RAB38: variants seen among roughly 807,000 people sequenced by gnomAD.
RAB38 encodes ras-related protein Rab-38.
RAB38 carries 15 observed loss-of-function variants against 18.4 expected under a neutral mutation model. That is an observed-to-expected ratio of 0.82 (90% confidence interval 0.55 to 1.26). The LOEUF (loss-of-function observed/expected upper bound fraction) is 1.26, where lower values mean the gene tolerates loss of function less well. Ranked by LOEUF, RAB38 falls within the 50% of genes most tolerant of loss-of-function variation. The probability of loss-of-function intolerance (pLI) is 0.00; values close to 1 mark genes in which losing one functional copy is unlikely to be tolerated. For missense variants in RAB38, 294 were observed against 267.4 expected (o/e 1.10, Z -0.69); for synonymous variants, 101 against 104.4 (o/e 0.97, Z 0.20).
the RAB38 span, among the ~76,000 whole-genome samples, chr11:87,848,147 A>T: frequency 6.6e-6 from 1 of 152,116 alleles, no homozygotes; most frequent in African/African-American, 2.4e-5. Context: ...CTCATCCCTG[A>T]TTTGCAGCTT....
the RAB38 span, among the ~76,000 whole-genome samples, chr11:88,016,849 A>C: frequency 6.6e-6 from 1 of 152,100 alleles, no homozygotes; most frequent in Admixed American, 6.6e-5. Context: ...TGCAAAATTT[A>C]TTCAAAACTT....
chr11:87,962,923 T>A, the RAB38 span, among the ~76,000 whole-genome samples: 123 of 152,144 alleles, frequency 8.1e-4, 1 homozygote, highest in Non-Finnish European at 8.4e-4. Flanking sequence ...CCAAAATGTG[T>A]ACAATTATTT....
the RAB38 span, among the ~76,000 whole-genome samples, chr11:88,026,150 A>G: frequency 6.6e-6 from 1 of 152,002 alleles, no homozygotes. Context: ...TTTTTAGTAG[A>G]GACAGGGTTT....
chr11:88,019,834 A>C, the RAB38 span, among the ~76,000 whole-genome samples: 2 of 152,184 alleles, frequency 1.3e-5, no homozygotes, highest in African/African-American at 4.8e-5. Context: ...CCTATCTAAA[A>C]TATCACCTCA....
At chr11:88,108,210 G>A in the RAB38 span, among the ~76,000 whole-genome samples, 1 of 151,992 alleles carries the variant, frequency 6.6e-6, no homozygotes, top group African/African-American at 2.4e-5. Context: ...GTCTAATATT[G>A]ATAGTGGGTG....
the RAB38 span, among the ~76,000 whole-genome samples, chr11:88,053,243 A>G: frequency 1.5e-5 from 2 of 130,480 alleles, no homozygotes; most frequent in Non-Finnish European, 3.1e-5. Flanking sequence ...ATATATATAC[A>G]CACATATATA....
In RAB38 at chr11:88,137,179, A is replaced by C. The variant is rs193293183; in HGVS notation, c.483+12496T>G. On this transcript the variant is annotated intron_variant, in intron 2 of 2. Coordinates refer to ENST00000243662, the MANE Select transcript of RAB38 (RefSeq NM_022337.3). ...CCTAAAGCAAAACCCACAAATCAAC[A>C]ATCACCATAGCCACTATTCAACAAG... is the stretch of plus-strand genomic sequence containing the variant. Among the ~76,000 whole-genome samples, 357 of 152,304 alleles carry C rather than the reference A, an allele frequency of 2.3e-3. 1 individual carries two copies. The highest frequency in any genetic ancestry group is 8.4e-3 in the African/African-American group (348 of 41,562).
chr11:88,145,701 C>T (rs531059436), intron 2 of RAB38, among the ~76,000 whole-genome samples: 1 of 152,086 alleles, frequency 6.6e-6, no homozygotes, highest in East Asian at 1.9e-4. Context: ...GATATGGGCA[C>T]AGGAATACTA....
the RAB38 span, among the ~76,000 whole-genome samples, chr11:88,023,113 A>T: frequency 1.3e-5 from 2 of 152,116 alleles, no homozygotes; most frequent in Non-Finnish European, 2.9e-5. Context: ...ACATAAGCCT[A>T]CCTATGTAAT....
At chr11:87,881,504 C>T in the RAB38 span, among the ~76,000 whole-genome samples, 1 of 151,838 alleles carries the variant, frequency 6.6e-6, no homozygotes, top group Non-Finnish European at 1.5e-5. Context: ...CATCATGTCA[C>T]ATAGTGATCT....
chr11:88,031,111 G>A, the RAB38 span, among the ~76,000 whole-genome samples: 2 of 151,510 alleles, frequency 1.3e-5, no homozygotes, highest in Non-Finnish European at 2.9e-5. Context: ...CATATAAACA[G>A]AACCAAAGAC....
the RAB38 span, among the ~76,000 whole-genome samples, chr11:87,900,877 C>T: frequency 2.0e-5 from 3 of 151,298 alleles, no homozygotes; most frequent in Non-Finnish European, 4.4e-5. Context: ...AAAAAAGGCA[C>T]CTAGTGTTTC....
At chr11:88,008,520 T>C in the RAB38 span, among the ~76,000 whole-genome samples, 1 of 152,274 alleles carries the variant, frequency 6.6e-6, no homozygotes, top group East Asian at 1.9e-4. Flanking sequence ...GCCAGCAATC[T>C]GTATGAAGAA....
At chr11:87,976,674 T>TATATAAATATATAATTTTATATA in the RAB38 span, among the ~76,000 whole-genome samples, 97 of 60,980 alleles carry the variant, frequency 1.6e-3, no homozygotes, top group Non-Finnish European at 2.8e-3. Flanking sequence ...TTTTATATGA[T>TATATAAATATATAATTTTATATA]ATATATTTAT....
the RAB38 span, among the ~76,000 whole-genome samples, chr11:87,978,054 C>T: frequency 0.9 from 17,923 of 19,856 alleles, 8,338 homozygotes; most frequent in Middle Eastern, 1. Flanking sequence ...CTATTTTTAT[C>T]ATATATACAT....
At chr11:88,031,420 G>GA in the RAB38 span, among the ~76,000 whole-genome samples, 77 of 151,478 alleles carry the variant, frequency 5.1e-4, no homozygotes, top group African/African-American at 1.8e-3. Context: ...ATTCAATTAG[G>GA]AAAAGAGGAA....
chr11:88,020,861 A>C, the RAB38 span, among the ~76,000 whole-genome samples: 28 of 152,314 alleles, frequency 1.8e-4, no homozygotes, highest in Middle Eastern at 3.4e-3. Context: ...GGGCCAATGA[A>C]GAAATTAAGA....
At chr11:88,083,560 G>A in the RAB38 span, among the ~76,000 whole-genome samples, 1 of 151,806 alleles carries the variant, frequency 6.6e-6, no homozygotes, top group African/African-American at 2.4e-5. Context: ...TCTAAGCTTG[G>A]TGCCATGGTT....
At chr11:87,928,918 C>T in the RAB38 span, among the ~76,000 whole-genome samples, 1 of 152,050 alleles carries the variant, frequency 6.6e-6, no homozygotes, top group Non-Finnish European at 1.5e-5. Context: ...AGTTCAAGAC[C>T]AGCCTGACCA....
Sources: allele counts gnomAD v4.1 joint callset (sites outside exome capture counted in the v4.1 genomes callset), GRCh38; gene constraint gnomAD v4.1.1; transcripts MANE v1.5; gene names NCBI Gene and HGNC (gene_info 2026-07-23, HGNC 2026-07-21).